PRKN: variants seen among roughly 807,000 people sequenced by gnomAD.
PRKN encodes the protein E3 ubiquitin-protein ligase parkin.
Under a neutral mutation model 59.5 loss-of-function variants are expected in PRKN, and 56 were observed. The ratio of observed to expected loss-of-function variants is 0.94; its 90% CI spans 0.76 to 1.18. The LOEUF (loss-of-function observed/expected upper bound fraction) is 1.18, where lower values mean the gene tolerates loss of function less well. Among genes scored for constraint, PRKN ranks in the 50% most tolerant of loss-of-function variants. PRKN has a pLI of 0.00. For synonymous variants in PRKN, 250 were observed against 222.1 expected (o/e 1.13, Z -1.12); for missense variants, 657 against 596.4 (o/e 1.10, Z -1.06).
At chr6:162,125,308 G>T (rs1781082518) in intron 4 of PRKN, among the ~76,000 whole-genome samples, 1 of 152,196 alleles carries the variant, frequency 6.6e-6, no homozygotes, top group African/African-American at 2.4e-5. Context: ...CTCAGAGGGA[G>T]AAACACAGCC....
chr6:162,137,443 C>G (rs1318745113), intron 4 of PRKN, among the ~76,000 whole-genome samples: 3 of 152,202 alleles, frequency 2.0e-5, no homozygotes, highest in African/African-American at 7.2e-5. Flanking sequence ...TAAGGGTTAT[C>G]TGCTTTGCTA....
Position 161,451,183 on chromosome 6 carries a change from C to CA in PRKN, c.1084-64307dup, listed in dbSNP as rs1221619495. Among the ~76,000 whole-genome samples the CA allele has an allele frequency of 6.6e-5, 10 of 152,154 alleles. No individual in the cohort carries two copies. The highest frequency in any genetic ancestry group is 6.5e-4 in the Admixed American group (10 of 15,282). On this transcript the variant is annotated intron_variant, in intron 9 of 11. Coordinates refer to ENST00000366898, the MANE Select transcript of PRKN (RefSeq NM_004562.3). The surrounding 1 kb of genome is among the most constrained non-coding windows in gnomAD (Gnocchi z 5.9). ...CAGCACCGCAGAAAATCATCTTGAA[C>CA]ACCTCCCAAGGCCAATCTCCCATTG...
At chr6:162,547,859 G>C (rs1779178846) in intron 1 of PRKN, among the ~76,000 whole-genome samples, 1 of 152,094 alleles carries the variant, frequency 6.6e-6, no homozygotes, top group South Asian at 2.1e-4. Flanking sequence ...TGGGATTATA[G>C]GCATGAGCCA....
At chr6:161,958,485 C>A (rs947292855) in intron 6 of PRKN, among the ~76,000 whole-genome samples, 4 of 152,044 alleles carry the variant, frequency 2.6e-5, no homozygotes, top group African/African-American at 9.7e-5. Context: ...TACATCAAAT[C>A]AATATTATGG....
intron 6 of PRKN, among the ~76,000 whole-genome samples, chr6:161,794,844 C>A (rs1397964037): frequency 6.6e-6 from 1 of 152,134 alleles, no homozygotes; most frequent in Non-Finnish European, 1.5e-5. Flanking sequence ...TGTCTAATTT[C>A]TTGTAATGTT....
At chr6:162,597,303 G>A (rs925570155) in intron 1 of PRKN, among the ~76,000 whole-genome samples, 4 of 152,066 alleles carry the variant, frequency 2.6e-5, no homozygotes, top group Non-Finnish European at 5.9e-5. Context: ...CTGGCAAGTC[G>A]TCTATTTTCC....
chr6:161,832,766 C>T (rs1287996919), intron 6 of PRKN, among the ~76,000 whole-genome samples: 1 of 152,084 alleles, frequency 6.6e-6, no homozygotes, highest in Non-Finnish European at 1.5e-5. Flanking sequence ...GGGCATCTCA[C>T]CCTCCCCATT....
chr6:162,442,587 AG>A (rs1790111552), intron 2 of PRKN, among the ~76,000 whole-genome samples: 1 of 152,126 alleles, frequency 6.6e-6, no homozygotes, highest in African/African-American at 2.4e-5. Context: ...ACATGTGTGT[AG>A]GGCTTTCATG....
At chr6:162,271,613 A>G (rs914800868) in intron 2 of PRKN, 2 of 152,102 alleles carry the variant, frequency 1.3e-5, no homozygotes, top group Non-Finnish European at 2.9e-5. Flanking sequence ...TTGTTTGGTC[A>G]CTGCTAACAA....
rs1474935515 is a variant in PRKN, at chr6:161,429,656, T to C, written c.1084-42779A>G. On this transcript the variant is annotated intron_variant, in intron 9 of 11. Coordinates refer to ENST00000366898, the MANE Select transcript of PRKN (RefSeq NM_004562.3). This position sits in a 1 kb window ranked among gnomAD's most constrained non-coding sequence, Gnocchi z 4.2. ...GTTTCAGGTTTGGGCCACAAGTAGA[T>C]CAATGAAGAAAGAGGAATCCAGAAG... 1.1e-4 allele frequency among the ~76,000 whole-genome samples: 17 copies of C among 151,972 alleles called. No homozygotes were observed. Among genetic ancestry groups the C allele is most frequent in the Admixed American group, 1.1e-3 (17 of 15,248 alleles).
intron 1 of PRKN, among the ~76,000 whole-genome samples, chr6:162,460,186 A>T (rs1225632585): frequency 6.6e-6 from 1 of 152,224 alleles, no homozygotes; most frequent in Non-Finnish European, 1.5e-5. Flanking sequence ...TTACTCAGCA[A>T]TGAAAAAGGA....
chr6:162,010,584 T>TAA (rs1562456123), intron 5 of PRKN, among the ~76,000 whole-genome samples: 2 of 8,810 alleles, frequency 2.3e-4, no homozygotes, highest in Non-Finnish European at 2.9e-4. Flanking sequence ...ATGTATTATA[T>TAA]TATATATAAT....
chr6:161,839,502 G>T (rs1365215948), intron 6 of PRKN, among the ~76,000 whole-genome samples: 1 of 152,096 alleles, frequency 6.6e-6, no homozygotes, highest in Non-Finnish European at 1.5e-5. Context: ...CATCCTCGCA[G>T]CCCAGGAAAG....
intron 2 of PRKN, among the ~76,000 whole-genome samples, chr6:162,263,609 T>TAA (rs1163342779): frequency 6.6e-6 from 1 of 152,194 alleles, no homozygotes; most frequent in East Asian, 1.9e-4. Context: ...GTCAGATTAT[T>TAA]TGCTAGCACA....
intron 4 of PRKN, among the ~76,000 whole-genome samples, chr6:162,192,113 C>T (rs956789866): frequency 2.0e-5 from 3 of 152,040 alleles, no homozygotes; most frequent in African/African-American, 7.3e-5. Context: ...TTTTCTCAAA[C>T]CCTTCTATGT....
intron 2 of PRKN, among the ~76,000 whole-genome samples, chr6:162,405,188 G>A (rs946720842): frequency 6.6e-5 from 10 of 152,098 alleles, no homozygotes; most frequent in African/African-American, 2.2e-4. Context: ...GTCTTCCAAC[G>A]CAGACTTTCA....
intron 7 of PRKN, among the ~76,000 whole-genome samples, chr6:161,612,178 T>C (rs1291548322): frequency 6.6e-6 from 1 of 152,194 alleles, no homozygotes; most frequent in African/African-American, 2.4e-5. Context: ...CAAGTGCTGA[T>C]ATAGAAACCG....
At chr6:161,882,076 C>A (rs9355366) in intron 6 of PRKN, among the ~76,000 whole-genome samples, 1 of 151,982 alleles carries the variant, frequency 6.6e-6, no homozygotes, top group East Asian at 1.9e-4. Context: ...TGGTAATCAC[C>A]TCAATTCTAG....
chr6:162,716,648 G>C (rs764107562), intron 1 of PRKN, among the ~76,000 whole-genome samples: 1 of 152,150 alleles, frequency 6.6e-6, no homozygotes, highest in Non-Finnish European at 1.5e-5. Context: ...TGCACTATGG[G>C]AGTCCAGGAG....
Sources: gnomAD v4.1 joint callset for allele counts (sites outside exome capture counted in the v4.1 genomes callset) on GRCh38, gnomAD v4.1.1 for gene constraint, Gnocchi (gnomAD v3.1) non-coding constraint, MANE v1.5 for transcripts, NCBI Gene and HGNC (gene_info 2026-07-23, HGNC 2026-07-21) for gene names.